The following FNBP1L variants were observed in gnomAD, a reference collection of about 807,000 sequenced individuals.
FNBP1L encodes the protein formin-binding protein 1-like.
Under a neutral mutation model 91.2 loss-of-function variants are expected in FNBP1L, and 36 were observed. That is an observed-to-expected ratio of 0.39 (90% CI 0.30 to 0.52). The LOEUF (loss-of-function observed/expected upper bound fraction) is 0.52, where lower values mean the gene tolerates loss of function less well. Among genes scored for constraint, FNBP1L ranks in the 20% least tolerant of loss-of-function variants. The pLI is 0.66. For synonymous variants in FNBP1L, 242 were observed against 237.0 expected, an observed-to-expected ratio of 1.02 and a Z score of -0.19; for missense variants, 571 against 732.1, an observed-to-expected ratio of 0.78 and a Z score of 2.54.
chr1:93,511,561 A>C (rs1002024000), intron 2 of FNBP1L, among the ~76,000 whole-genome samples: 55 of 152,296 alleles, frequency 3.6e-4, no homozygotes, highest in East Asian at 3.5e-3. Flanking sequence ...TGAGCAAAAT[A>C]ACCAGCTAAC....
intron 2 of FNBP1L, among the ~76,000 whole-genome samples, chr1:93,510,806 A>G (rs1450699276): frequency 1.3e-5 from 2 of 152,206 alleles, no homozygotes; most frequent in East Asian, 3.8e-4. Context: ...TACGTGAAGA[A>G]TGCAGAAGCC....
chr1:93,550,210 G>A (rs1374791913), intron 15 of FNBP1L, among the ~76,000 whole-genome samples: 4 of 152,178 alleles, frequency 2.6e-5, no homozygotes, highest in Non-Finnish European at 4.4e-5. Context: ...GCAGCCAAGT[G>A]CAGTGATGTG....
At chr1:93,517,639 A>T (rs1671174442) in intron 2 of FNBP1L, among the ~76,000 whole-genome samples, 1 of 152,238 alleles carries the variant, frequency 6.6e-6, no homozygotes, top group Non-Finnish European at 1.5e-5. Flanking sequence ...GCATTCCAAT[A>T]AAATTTTGTT....
chr1:93,529,467 T>C (rs991759345), intron 5 of FNBP1L, among the ~76,000 whole-genome samples, 185 bp from the exon 6 acceptor site: 7 of 152,148 alleles, frequency 4.6e-5, no homozygotes, highest in Non-Finnish European at 2.9e-5. Context: ...ATACTTTAAG[T>C]TCTGGGATAC....
At chr1:93,467,768 A>G (rs1430946181) in intron 1 of FNBP1L, among the ~76,000 whole-genome samples, 1 of 152,118 alleles carries the variant, frequency 6.6e-6, no homozygotes, top group African/African-American at 2.4e-5. Context: ...CCTGGGCAAC[A>G]TAACAAGACC....
chr1:93,552,305 A>C, intron 16 of FNBP1L, 104 bp from the exon 17 acceptor site: 1 of 1,496,490 alleles, frequency 6.7e-7, no homozygotes, highest in South Asian at 1.4e-5. Flanking sequence ...GCTGACTATA[A>C]AATGATAGAG....
intron 2 of FNBP1L, among the ~76,000 whole-genome samples, chr1:93,513,956 A>G (rs1027399042): frequency 1.2e-4 from 18 of 152,156 alleles, no homozygotes; most frequent in Non-Finnish European, 1.9e-4. Flanking sequence ...AGGGTATTCA[A>G]TTAGGAAAAG....
chr1:93,536,228 T>G, intron 9 of FNBP1L, 104 bp from the exon 10 acceptor site: 11 of 744,380 alleles, frequency 1.5e-5, no homozygotes, highest in Non-Finnish European at 2.1e-5. Context: ...AAACTTTATT[T>G]GAGATATATT....
At chr1:93,515,007 G>A (rs868696850) in intron 2 of FNBP1L, among the ~76,000 whole-genome samples, 15 of 152,198 alleles carry the variant, frequency 9.9e-5, no homozygotes, top group South Asian at 4.1e-4. Flanking sequence ...GAAAATTTTC[G>A]CAACCTACTC....
At chr1:93,461,020 A>AT (rs1238368564) in intron 1 of FNBP1L, among the ~76,000 whole-genome samples, 1 of 151,964 alleles carries the variant, frequency 6.6e-6, no homozygotes, top group Non-Finnish European at 1.5e-5. Flanking sequence ...CCAAGTTTGC[A>AT]TTTTTTTCTT....
rs1445956423 is a variant in FNBP1L at position 93,554,411 on chromosome 1, A to G, written c.*1995A>G. ...GCAGGATTTGCTTCCGTAGGAGGCA[A>G]GTTCCTTGATGTGGAATAGTGCAAC... On this transcript the variant is annotated 3_prime_UTR_variant, in exon 17 of 17. Transcript: ENST00000271234. The G allele has an allele frequency of 6.6e-5, 10 of 152,660 alleles. No homozygotes were observed. The East Asian group carries it at 1.7e-3, about 26-fold the overall frequency. 9.5% of individuals were successfully genotyped at this position (152,660 alleles called of 1,614,324 possible). A position where few individuals can be genotyped will look rare whatever the true frequency, so the allele number is the denominator to read the frequency against.
chr1:93,551,335 T>C, intron 16 of FNBP1L: 1 of 1,196,168 alleles, frequency 8.4e-7, no homozygotes, highest in Non-Finnish European at 1.0e-6. Flanking sequence ...GGTGTGAAGC[T>C]TAATTGATGC....
intron 16 of FNBP1L, chr1:93,551,930 GAAAATACACAGTTACATAGA>G (rs1338204995): frequency 5.1e-6 from 5 of 985,966 alleles, no homozygotes; most frequent in Non-Finnish European, 6.0e-6. Flanking sequence ...TTACACATAG[GAAAATACACAGTTACATAGA>G]AAAATACACA....
At chr1:93,541,574 G>A (rs1267755486) in intron 11 of FNBP1L, among the ~76,000 whole-genome samples, 1 of 136,292 alleles carries the variant, frequency 7.3e-6, no homozygotes, top group African/African-American at 2.7e-5. Flanking sequence ...TATCCTGTGT[G>A]TGTTTGTGTG....
At chr1:93,497,587 T>G (rs1331849200) in intron 1 of FNBP1L, among the ~76,000 whole-genome samples, 1 of 152,178 alleles carries the variant, frequency 6.6e-6, no homozygotes, top group Non-Finnish European at 1.5e-5. Context: ...TAAAGCATAT[T>G]TGATTATTGC....
At chr1:93,511,385 C>T (rs1670836118) in intron 2 of FNBP1L, among the ~76,000 whole-genome samples, 1 of 152,086 alleles carries the variant, frequency 6.6e-6, no homozygotes, top group South Asian at 2.1e-4. Context: ...AAATAAAATC[C>T]TTTACAGACA....
chr1:93,491,441 G>GC (rs1228173157), intron 1 of FNBP1L, among the ~76,000 whole-genome samples: 1 of 151,930 alleles, frequency 6.6e-6, no homozygotes, highest in Non-Finnish European at 1.5e-5. Context: ...CCAGGCTGGA[G>GC]CACTGTGGCA....
chr1:93,464,529 T>C (rs192404919), intron 1 of FNBP1L, among the ~76,000 whole-genome samples: 31 of 152,302 alleles, frequency 2.0e-4, no homozygotes, highest in African/African-American at 7.2e-4. Flanking sequence ...CTGTTTTCTT[T>C]TTACAGATTT....
chr1:93,465,449 T>C (rs186441771), intron 1 of FNBP1L, among the ~76,000 whole-genome samples: 1 of 151,296 alleles, frequency 6.6e-6, no homozygotes, highest in East Asian at 2.0e-4. Context: ...TGAGAACATG[T>C]GGTGTTTGGT....
Sources: gnomAD v4.1 joint callset for allele counts (sites outside exome capture counted in the v4.1 genomes callset) on GRCh38, gnomAD v4.1.1 for gene constraint, MANE v1.5 for transcripts, NCBI Gene and HGNC (gene_info 2026-07-23, HGNC 2026-07-21) for gene names.